SEM1: variants seen among roughly 807,000 people sequenced by gnomAD.
The protein encoded by SEM1 is SEM1 26S proteasome subunit, also known as 26S proteasome complex subunit SEM1.
A neutral mutation model predicts 12.7 loss-of-function variants in SEM1; 3 were observed. The ratio of observed to expected loss-of-function variants is 0.24; its 90% CI spans 0.11 to 0.61. SEM1 has a LOEUF of 0.61. Ranked by LOEUF, SEM1 falls within the 20% of genes least tolerant of loss-of-function variation. SEM1 has a pLI of 0.88. For missense variants in SEM1, 59 were observed against 81.3 expected (o/e 0.73, Z 1.06); for synonymous variants, 30 against 27.8 (o/e 1.08, Z -0.25).
chr7:96,681,235 T>G (rs1309028170), intron 2 of SEM1, among the ~76,000 whole-genome samples: 2 of 152,130 alleles, frequency 1.3e-5, no homozygotes, highest in Non-Finnish European at 2.9e-5. Flanking sequence ...GTTTAGATTT[T>G]ATGCTGCTTT....
At chr7:96,566,461 C>T (rs938714044) in intron 2 of SEM1, among the ~76,000 whole-genome samples, 1 of 151,526 alleles carries the variant, frequency 6.6e-6, no homozygotes, top group Admixed American at 6.6e-5. Flanking sequence ...AAACTGCCTG[C>T]TCATGTCATC....
At chr7:96,548,273 C>T (rs2115825382) in intron 2 of SEM1, among the ~76,000 whole-genome samples, 2 of 152,238 alleles carry the variant, frequency 1.3e-5, no homozygotes, top group Middle Eastern at 6.8e-3. Flanking sequence ...AGACCTAGAG[C>T]AATGACCATT....
chr7:96,628,157 A>G lies in SEM1; in HGVS notation c.171-5514T>C, dbSNP rs555285832. 9.9e-5 allele frequency among the ~76,000 whole-genome samples: 15 copies of G among 151,424 alleles called. No individual in the cohort carries two copies. The East Asian group carries it at 1.9e-3, about 20-fold the overall frequency. Reference sequence around the variant, plus strand: ...TTATTTTCAGTCTATGTGTGTCTTTATAGTTATCTTTATTTGTGTTTCTTG... The same window carrying G: ...TTATTTTCAGTCTATGTGTGTCTTTGTAGTTATCTTTATTTGTGTTTCTTG... On this transcript the variant is annotated intron_variant, in intron 2 of 2. Coordinates refer to the SEM1 transcript ENST00000417009.
chr7:96,526,774 C>G (rs1481892721), intron 2 of SEM1, among the ~76,000 whole-genome samples: 2 of 151,990 alleles, frequency 1.3e-5, no homozygotes, highest in Middle Eastern at 3.2e-3. Context: ...CTTCCCAGCC[C>G]CTGGGGCTTG....
chr7:96,698,978 T>C (rs1790186765), intron 1 of SEM1, among the ~76,000 whole-genome samples: 1 of 152,186 alleles, frequency 6.6e-6, no homozygotes, highest in African/African-American at 2.4e-5. Context: ...CTGGTAGATT[T>C]GTGGCTTTAA....
At chr7:96,686,463 C>T (rs906684503), downstream of SEM1, among the ~76,000 whole-genome samples, 1 of 152,126 alleles carries the variant, frequency 6.6e-6, no homozygotes, top group Non-Finnish European at 1.5e-5. Context: ...TTCAGGCCAT[C>T]ACTTAATACT....
intron 2 of SEM1, among the ~76,000 whole-genome samples, chr7:96,534,928 T>C (rs1466771159): frequency 6.6e-6 from 1 of 152,002 alleles, no homozygotes; most frequent in Non-Finnish European, 1.5e-5. Context: ...TCTAATATAA[T>C]AGATACCAAT....
chr7:96,561,794 C>T (rs1805697725), intron 2 of SEM1, among the ~76,000 whole-genome samples: 1 of 152,196 alleles, frequency 6.6e-6, no homozygotes. Flanking sequence ...GACTTACTTT[C>T]CCTGGGTAAA....
At chr7:96,693,708 C>A (rs1163087048) in intron 2 of SEM1, among the ~76,000 whole-genome samples, 3 of 151,386 alleles carry the variant, frequency 2.0e-5, no homozygotes, top group Admixed American at 2.0e-4. Context: ...AACAGCTTGG[C>A]AGCTCCTCAA....
At chr7:96,654,091 G>A (rs1809094153) in intron 2 of SEM1, among the ~76,000 whole-genome samples, 1 of 152,172 alleles carries the variant, frequency 6.6e-6, no homozygotes, top group African/African-American at 2.4e-5. Flanking sequence ...CTTAAGGAAG[G>A]AAGCCCTATA....
At chr7:96,648,613 G>A (rs1403470927) in intron 2 of SEM1, among the ~76,000 whole-genome samples, 1 of 152,174 alleles carries the variant, frequency 6.6e-6, no homozygotes, top group Non-Finnish European at 1.5e-5. Context: ...AAGTTAGAGA[G>A]AGAATACTGT....
At chr7:96,552,624 T>C (rs1805320834) in intron 2 of SEM1, among the ~76,000 whole-genome samples, 1 of 147,812 alleles carries the variant, frequency 6.8e-6, no homozygotes, top group South Asian at 2.2e-4. Context: ...AAGTCTTTGC[T>C]ATTGTGAATA....
At chr7:96,542,224 A>G (rs551280628) in intron 2 of SEM1, among the ~76,000 whole-genome samples, 10 of 151,694 alleles carry the variant, frequency 6.6e-5, no homozygotes, top group Admixed American at 1.3e-4. Context: ...TGATTCTTCC[A>G]GTCTATGAGC....
At chr7:96,696,515 T>C (rs1403693495) in intron 1 of SEM1, 1 of 151,914 alleles carries the variant, frequency 6.6e-6, no homozygotes, top group Non-Finnish European at 1.5e-5. Flanking sequence ...CTTCCAATTA[T>C]CATAGATGAG....
At chr7:96,542,733 T>A (rs1181906991) in intron 2 of SEM1, among the ~76,000 whole-genome samples, 1 of 151,872 alleles carries the variant, frequency 6.6e-6, no homozygotes, top group Non-Finnish European at 1.5e-5. Flanking sequence ...GTGTAGGAAC[T>A]GGACATTCAT....
chr7:96,641,784 C>T (rs529810757), intron 2 of SEM1, among the ~76,000 whole-genome samples: 2 of 151,654 alleles, frequency 1.3e-5, no homozygotes, highest in African/African-American at 4.8e-5. Context: ...TAGTCCCCAT[C>T]GAGCCTATTA....
At chr7:96,614,449 T>C (rs1807639946) in intron 2 of SEM1, among the ~76,000 whole-genome samples, 1 of 152,216 alleles carries the variant, frequency 6.6e-6, no homozygotes. Context: ...AGCTTCAAGA[T>C]GAACTGTGAA....
exon 4 of SEM1, chr7:96,483,749 T>C (rs568406613): frequency 1.4e-6 from 2 of 1,385,774 alleles, no homozygotes; most frequent in African/African-American, 1.4e-5. Context: ...AGTATAGTTC[T>C]ACCATGTGCC....
intron 2 of SEM1, among the ~76,000 whole-genome samples, chr7:96,638,479 G>A (rs1173744966): frequency 6.6e-6 from 1 of 151,780 alleles, no homozygotes; most frequent in African/African-American, 2.4e-5. Flanking sequence ...CAAAATAAAT[G>A]CATTTGTGAT....
Sources: gnomAD v4.1 joint callset for allele counts (sites outside exome capture counted in the v4.1 genomes callset) on GRCh38, gnomAD v4.1.1 for gene constraint, MANE v1.5 for transcripts, NCBI Gene and HGNC (gene_info 2026-07-23, HGNC 2026-07-21) for gene names.